Variants in GRHL1 observed in about 807,000 individuals in gnomAD.
GRHL1 encodes the protein grainyhead-like protein 1 homolog.
Under a neutral mutation model 75.7 loss-of-function variants are expected in GRHL1, and 38 were observed. The ratio of observed to expected loss-of-function variants is 0.50; its 90% CI spans 0.39 to 0.66. GRHL1 has a LOEUF of 0.66. Among genes scored for constraint, GRHL1 ranks in the 30% least tolerant of loss-of-function variants. GRHL1 has a pLI of 0.00. For missense variants in GRHL1, 589 were observed against 767.5 expected (o/e 0.77, Z 2.75); for synonymous variants, 266 against 279.4 (o/e 0.95, Z 0.48).
intron 1 of GRHL1, chr2:9,952,909 T>C (rs1035910551): frequency 2.3e-6 from 1 of 427,736 alleles, no homozygotes; most frequent in African/African-American, 2.1e-5. Context: ...TGTTGTAGAA[T>C]ATGCAGTTAA....
chr2:9,954,859 T>A (rs1267373814), intron 1 of GRHL1, 56 bp from the exon 2 acceptor site: 1 of 1,363,622 alleles, frequency 7.3e-7, no homozygotes, highest in East Asian at 2.3e-5. Flanking sequence ...TGGTAGCTTA[T>A]GATACCTTGC....
intron 3 of GRHL1, 190 bp from the exon 4 acceptor site, chr2:9,960,856 T>C: frequency 1.9e-6 from 1 of 539,206 alleles, no homozygotes; most frequent in Non-Finnish European, 3.3e-6. Flanking sequence ...CTTAATAGGT[T>C]TGGATTTTAT....
chr2:9,993,841 G>T (rs1045339625), intron 12 of GRHL1, among the ~76,000 whole-genome samples: 1 of 152,204 alleles, frequency 6.6e-6, no homozygotes, highest in Non-Finnish European at 1.5e-5. Flanking sequence ...AGTAAGTGTT[G>T]TCTGGGGAGG....
In GRHL1 at chr2:10,002,237, T is replaced by A. The variant is rs962884863; in HGVS notation, c.*1530T>A. 1 of 152,668 alleles carries A rather than the reference T, an allele frequency of 6.6e-6. No homozygotes were observed. The highest frequency in any genetic ancestry group is 2.4e-5 in the African/African-American group (1 of 41,462). 9.5% of individuals were successfully genotyped at this position (152,668 alleles called of 1,614,324 possible). On this transcript the variant is annotated 3_prime_UTR_variant, in exon 16 of 16. Transcript: ENST00000324907. ...TTTAATTGTATCATTGAAGATGTAT[T>A]TTAAACCAAAGGAATTAAATTTTAT... is the stretch of plus-strand genomic sequence containing the variant.
chr2:9,986,228 C>T lies in GRHL1; in HGVS notation c.1215C>T (p.Arg405=). 1 of 1,613,770 alleles carries T rather than the reference C, an allele frequency of 6.2e-7. No individual in the cohort carries two copies. Among genetic ancestry groups the T allele is most frequent in the Non-Finnish European group, 8.5e-7 (1 of 1,179,816 alleles). The part of the protein sequence containing the change: ...IQVDTYSYNN[R]SNKPVHRAYC... Reference sequence around the variant, plus strand: ...TTGATACCTATAGTTACAACAACCGCAGCAACAAGCCTGTGCACCGGGCCT... The same window carrying T: ...TTGATACCTATAGTTACAACAACCGTAGCAACAAGCCTGTGCACCGGGCCT... The change falls in exon 9 of 16, where the codon CGC becomes CGT. Residue 405 remains arginine, a synonymous_variant. Coordinates refer to ENST00000324907, the MANE Select transcript of GRHL1 (RefSeq NM_198182.3).
At chr2:9,997,086 A>G (rs1326824304) in intron 14 of GRHL1, among the ~76,000 whole-genome samples, 1 of 152,174 alleles carries the variant, frequency 6.6e-6, no homozygotes, top group Admixed American at 6.5e-5. Context: ...TGTGTCCATA[A>G]TTGGGCTAAA....
rs1382992411 is a variant in GRHL1 at position 9,998,647 on chromosome 2, TATAC to T, written c.1678-314_1678-311del. Among the ~76,000 whole-genome samples, 57 of 49,392 alleles carry T rather than the reference TATAC, an allele frequency of 1.2e-3. 20 individuals carry two copies. The highest frequency in any genetic ancestry group is 9.7e-3 in the African/African-American group (51 of 5,266). The allele number at this position is 49,392 out of a possible 152,430, so 32.4% of individuals were successfully genotyped here. A position where few individuals can be genotyped will look rare whatever the true frequency, so the allele number is the denominator to read the frequency against. On this transcript the variant is annotated intron_variant, in intron 14 of 15. Coordinates refer to ENST00000324907, the MANE Select transcript of GRHL1 (RefSeq NM_198182.3). ...ACACATATACATATATATGTACACA[TATAC>T]ATATACATATATATGTACACATATA...
chr2:9,970,746 C>T (rs753677097), intron 8 of GRHL1, among the ~76,000 whole-genome samples: 2 of 152,142 alleles, frequency 1.3e-5, no homozygotes, highest in Admixed American at 1.3e-4. Context: ...GAACAGAGGA[C>T]GCTGTGCTTT....
intron 2 of GRHL1, 40 bp downstream of exon 2, chr2:9,955,141 C>T: frequency 7.6e-7 from 1 of 1,319,726 alleles, no homozygotes; most frequent in South Asian, 1.3e-5. Flanking sequence ...CAGCAGTCTC[C>T]AATGCACTTG....
In GRHL1 at chr2:10,000,884, A is replaced by G. The variant is rs1265507207; in HGVS notation, c.*177A>G. On this transcript the variant is annotated 3_prime_UTR_variant, in exon 16 of 16. Transcript: ENST00000324907. ...CTGGCTTGGTGGTAGCATTTAATCT[A>G]TTGCATTGGTGTTTTTCAGATGAAA... The G allele has an allele frequency of 1.3e-5, 6 of 476,548 alleles. No homozygotes were observed. The highest frequency in any genetic ancestry group is 2.0e-5 in the African/African-American group (1 of 50,828). The allele number at this position is 476,548 out of a possible 1,614,324, so 29.5% of individuals were successfully genotyped here. A position where few individuals can be genotyped will look rare whatever the true frequency, so the allele number is the denominator to read the frequency against.
chr2:9,954,917 A>G lies in GRHL1; in HGVS notation c.23A>G (p.Lys8Arg), dbSNP rs765791648. 3.5e-5 allele frequency: 57 copies of G among 1,612,668 alleles called. No homozygotes were observed. Among genetic ancestry groups the G allele is most frequent in the Non-Finnish European group, 4.6e-5 (54 of 1,178,794 alleles). The change falls in exon 2 of 16, where the codon AAA becomes AGA. Residue 8 changes from lysine (K) to arginine (R), a missense_variant and splice_region_variant. By Grantham distance (26) the Lys-to-Arg change is conservative. Transcript: ENST00000324907. MTQEYDNKRPVLVLQNEA... is the reference protein window; with the variant it reads MTQEYDNRRPVLVLQNEA... ...TTTTTTTTTTAATTTCTCTGAAGCA[A>G]ACGGCCAGTGTTGGTTCTTCAGAAT...
intron 15 of GRHL1, among the ~76,000 whole-genome samples, chr2:9,999,827 T>C (rs1172297623): frequency 6.6e-6 from 1 of 151,792 alleles, no homozygotes; most frequent in Non-Finnish European, 1.5e-5. Context: ...TTGGACTTAA[T>C]AGTAGTTAAT....
chr2:9,953,902 C>G (rs1666904290), intron 1 of GRHL1, among the ~76,000 whole-genome samples: 1 of 152,142 alleles, frequency 6.6e-6, no homozygotes, highest in African/African-American at 2.4e-5. Context: ...TTATTTTTCT[C>G]CTTGAAAATA....
At chr2:9,978,347 A>G (rs1668040439) in intron 8 of GRHL1, among the ~76,000 whole-genome samples, 1 of 152,222 alleles carries the variant, frequency 6.6e-6, no homozygotes, top group African/African-American at 2.4e-5. Flanking sequence ...GAAAGGGTGT[A>G]TCCGTTGGTG....
At position 9,992,126 on chromosome 2, in the gene GRHL1, A is replaced by G. The variant is rs1362922333; in HGVS notation, c.1441A>G (p.Asn481Asp). The change falls in exon 11 of 16, where the codon AAC becomes GAC. Residue 481 changes from asparagine (N) to aspartate (D), a missense_variant. By Grantham distance (23) the Asn-to-Asp change is conservative. Around this residue, in one of 5 missense-constraint regions of GRHL1, gnomAD observed 192 missense variants for 226.6 expected, o/e 0.85. Transcript: ENST00000324907. This position sits in a 1 kb window ranked among gnomAD's most constrained non-coding sequence, Gnocchi z 4.6. ...CTTCATTCCTGACGTGCACTTTGCCAACTTGCAGCGGGGCACTCATGTAGG... is the reference window on the plus strand; with the variant it reads ...CTTCATTCCTGACGTGCACTTTGCCGACTTGCAGCGGGGCACTCATGTAGG... ...VLFIPDVHFA[N>D]LQRGTHVLPI... 3 of 1,613,536 alleles carry G rather than the reference A, an allele frequency of 1.9e-6. No homozygotes were observed. In the Admixed American group the frequency reaches 5.0e-5, roughly 27 times the overall value.
At position 9,990,126 on chromosome 2, in the gene GRHL1, G is replaced by A. The variant is rs760393769; in HGVS notation, c.1270-570G>A. ...GATTTTCTCAGCTTTCATTTAACACGACCACATCCATTATAAGGAGAAATT... is the reference window on the plus strand; with the variant it reads ...GATTTTCTCAGCTTTCATTTAACACAACCACATCCATTATAAGGAGAAATT... On this transcript the variant is annotated intron_variant, in intron 9 of 15. Transcript: ENST00000324907. The surrounding 1 kb of genome is among the most constrained non-coding windows in gnomAD (Gnocchi z 4.2). Among the ~76,000 whole-genome samples, 10 of 151,646 alleles carry A rather than the reference G, an allele frequency of 6.6e-5. No individual in the cohort carries two copies. Among genetic ancestry groups the A allele is most frequent in the East Asian group, 1.9e-4 (1 of 5,170 alleles).
chr2:9,992,392 G>C lies in GRHL1; in HGVS notation c.1461+246G>C, dbSNP rs138869615. 6.6e-6 allele frequency among the ~76,000 whole-genome samples: 1 copy of C among 152,118 alleles called. No individual in the cohort carries two copies. Among genetic ancestry groups the C allele is most frequent in the Non-Finnish European group, 1.5e-5 (1 of 68,024 alleles). On this transcript the variant is annotated intron_variant, in intron 11 of 15. Transcript: ENST00000324907. This position sits in a 1 kb window ranked among gnomAD's most constrained non-coding sequence, Gnocchi z 4.6. ...TTTGTATTCATTCATTCATTCGTTC[G>C]TTCTTCATACCTACATATCCTAGCT...
At chr2:9,995,549 C>T (rs1358971886) in intron 12 of GRHL1, among the ~76,000 whole-genome samples, 1 of 149,858 alleles carries the variant, frequency 6.7e-6, no homozygotes, top group Non-Finnish European at 1.5e-5. Flanking sequence ...TGCACCACTG[C>T]ACTCCAGCCT....
intron 8 of GRHL1, among the ~76,000 whole-genome samples, chr2:9,975,616 G>C (rs1447506820): frequency 6.6e-6 from 1 of 152,074 alleles, no homozygotes; most frequent in African/African-American, 2.4e-5. Flanking sequence ...GGTGGCTCTT[G>C]CCGGTAATCC....
Sources: allele counts gnomAD v4.1 joint callset (sites outside exome capture counted in the v4.1 genomes callset), GRCh38; gene constraint gnomAD v4.1.1; regional missense constraint gnomAD v4.1.1; non-coding constraint Gnocchi (gnomAD v3.1); transcripts MANE v1.5; gene names NCBI Gene and HGNC (gene_info 2026-07-23, HGNC 2026-07-21).